The following MBNL2 variants were observed in gnomAD, a reference collection of about 807,000 sequenced individuals.
MBNL2 encodes the protein muscleblind like splicing regulator 2.
MBNL2 carries 17 observed loss-of-function variants against 41.9 expected under a neutral mutation model. The ratio of observed to expected loss-of-function variants is 0.41; its 90% CI spans 0.28 to 0.61. The LOEUF is 0.61. MBNL2 is among the 20% of genes least tolerant of loss of function. The pLI, the probability that MBNL2 is intolerant of heterozygous loss-of-function variation, is 0.35. For missense variants in MBNL2, 336 were observed against 505.6 expected (o/e 0.66, Z 3.22); for synonymous variants, 195 against 182.9 (o/e 1.07, Z -0.53).
intron 8 of MBNL2, among the ~76,000 whole-genome samples, chr13:97,382,268 G>C (rs2065522561): frequency 6.6e-6 from 1 of 152,160 alleles, no homozygotes; most frequent in Non-Finnish European, 1.5e-5. Flanking sequence ...CTCTGGGCTG[G>C]CCTACAACCA....
At chr13:97,368,617 A>G (rs1482195395) in intron 8 of MBNL2, among the ~76,000 whole-genome samples, 3 of 151,386 alleles carry the variant, frequency 2.0e-5, no homozygotes, top group South Asian at 4.2e-4. Flanking sequence ...TGTGTCATAT[A>G]TATTGTTCAA....
At chr13:97,293,914 C>T (rs758484124) in intron 2 of MBNL2, among the ~76,000 whole-genome samples, 63 of 152,188 alleles carry the variant, frequency 4.1e-4, no homozygotes, top group Non-Finnish European at 7.6e-4. Flanking sequence ...GAGCAGTATA[C>T]ACGGAACCCA....
At chr13:97,190,210 AC>A in the MBNL2 span, among the ~76,000 whole-genome samples, 1 of 152,230 alleles carries the variant, frequency 6.6e-6, no homozygotes, top group Non-Finnish European at 1.5e-5. Context: ...GAGGATGCTG[AC>A]GGTGATCTGA....
the MBNL2 span, among the ~76,000 whole-genome samples, chr13:97,160,674 T>G: frequency 6.6e-6 from 1 of 152,160 alleles, no homozygotes; most frequent in African/African-American, 2.4e-5. Context: ...CTAATCCATA[T>G]TTATTGGCAT....
rs571198916 is a variant in MBNL2 at position 97,346,743 on chromosome 13, G to T, written c.541-61G>T. The T allele has an allele frequency of 9.5e-5, 142 of 1,495,464 alleles. 1 individual carries two copies. In the African/African-American group the frequency reaches 1.7e-3, roughly 18 times the overall value. 92.6% of individuals were successfully genotyped at this position (1,495,464 alleles called of 1,614,324 possible). On this transcript the variant is annotated intron_variant, in intron 4 of 8. Transcript: ENST00000679496. This position sits in a 1 kb window ranked among gnomAD's most constrained non-coding sequence, Gnocchi z 4.2. ...CTCCGCTCCTCCCGCGGTGGCCGGG[G>T]CCGCAGGGGCGCCTGGGCTCAGGCT...
intron 1 of MBNL2, among the ~76,000 whole-genome samples, chr13:97,256,548 T>C (rs545103958): frequency 1.3e-5 from 2 of 152,288 alleles, no homozygotes; most frequent in South Asian, 4.1e-4. Context: ...CTCCGCCAAA[T>C]GCTGCAGGTT....
chr13:97,345,120 A>G (rs753839417), intron 4 of MBNL2, among the ~76,000 whole-genome samples: 1 of 152,218 alleles, frequency 6.6e-6, no homozygotes, highest in Non-Finnish European at 1.5e-5. Context: ...GATTTATGCT[A>G]TCTACCTTCA....
At chr13:97,174,802 A>G in the MBNL2 span, among the ~76,000 whole-genome samples, 2 of 152,230 alleles carry the variant, frequency 1.3e-5, no homozygotes, top group South Asian at 2.1e-4. Context: ...TAGACTCTGG[A>G]ATACTAAGGC....
the MBNL2 span, among the ~76,000 whole-genome samples, chr13:97,188,097 C>T: frequency 6.6e-6 from 1 of 152,214 alleles, no homozygotes; most frequent in Admixed American, 6.5e-5. Flanking sequence ...CTAGATTCAC[C>T]CGCAGAGTAA....
chr13:97,162,354 C>T, the MBNL2 span, among the ~76,000 whole-genome samples: 2 of 152,132 alleles, frequency 1.3e-5, no homozygotes, highest in East Asian at 1.9e-4. Flanking sequence ...AGGAAAGAGA[C>T]GGCTTACTGG....
the MBNL2 span, among the ~76,000 whole-genome samples, chr13:97,185,150 CAAA>C: frequency 6.6e-5 from 10 of 152,048 alleles, no homozygotes; most frequent in Admixed American, 5.9e-4. Flanking sequence ...ATATCCAAAA[CAAA>C]GAATAAAATT....
At chr13:97,386,961 G>A (rs1031063464) in intron 8 of MBNL2, among the ~76,000 whole-genome samples, 1 of 151,938 alleles carries the variant, frequency 6.6e-6, no homozygotes, top group Admixed American at 6.6e-5. Flanking sequence ...GAGATCAAGT[G>A]TATCTTTGCC....
chr13:97,155,138 G>C, the MBNL2 span, among the ~76,000 whole-genome samples: 8 of 152,026 alleles, frequency 5.3e-5, no homozygotes, highest in African/African-American at 1.4e-4. Context: ...TTAGATTTCA[G>C]GGAACCATGA....
At chr13:97,357,302 T>A (rs762292521) in intron 6 of MBNL2, among the ~76,000 whole-genome samples, 180 bp from the exon 7 acceptor site, 2 of 152,222 alleles carry the variant, frequency 1.3e-5, no homozygotes, top group Non-Finnish European at 2.9e-5. Context: ...AATCATGCTT[T>A]CGCTCTCAAT....
chr13:97,335,469 G>A (rs1415869193), intron 3 of MBNL2, among the ~76,000 whole-genome samples: 1 of 152,140 alleles, frequency 6.6e-6, no homozygotes, highest in Non-Finnish European at 1.5e-5. Flanking sequence ...CTGTGAGATG[G>A]GGTGTGGAGG....
the MBNL2 span, among the ~76,000 whole-genome samples, chr13:97,152,015 T>A: frequency 6.6e-6 from 1 of 152,132 alleles, no homozygotes; most frequent in Admixed American, 6.5e-5. Context: ...TTTTAGGAAA[T>A]CTGCCAACCT....
rs1452642683 is a variant in MBNL2 at position 97,287,932 on chromosome 13, TTGTTTTG to T, written c.174+11525_174+11531del. Among the ~76,000 whole-genome samples the T allele has an allele frequency of 7.0e-5, 6 of 85,806 alleles. No homozygotes were observed. In the South Asian group the frequency reaches 1.2e-3, roughly 18 times the overall value. The allele number at this position is 85,806 out of a possible 152,430, so 56.3% of individuals were successfully genotyped here. A position where few individuals can be genotyped will look rare whatever the true frequency, so the allele number is the denominator to read the frequency against. On this transcript the variant is annotated intron_variant, in intron 2 of 8. Coordinates refer to ENST00000679496, the MANE Select transcript of MBNL2 (RefSeq NM_001382683.1). ...GCTAATTTTCTGTTTTTTTTTTGTT[TTGTTTTG>T]TTTTTTTTTTTTTTAGTAGAGATGG...
Position 97,236,377 on chromosome 13 carries a change from G to T in MBNL2, c.-605+13846G>T, listed in dbSNP as rs368840502. ...TCCTAGGGGCATGCTTTCCCTTGGG[G>T]TTGGGGGTGGTATCTGAAAGGTTGG... is the stretch of plus-strand genomic sequence containing the variant. On this transcript the variant is annotated intron_variant, in intron 1 of 8. Transcript: ENST00000679496. 1.2e-4 allele frequency among the ~76,000 whole-genome samples: 19 copies of T among 152,200 alleles called. No homozygotes were observed. In the East Asian group the frequency reaches 3.1e-3, roughly 25 times the overall value.
At chr13:97,240,868 A>G (rs1348725322) in intron 1 of MBNL2, among the ~76,000 whole-genome samples, 1 of 152,184 alleles carries the variant, frequency 6.6e-6, no homozygotes, top group Non-Finnish European at 1.5e-5. Flanking sequence ...CCATGCCTTG[A>G]GCTGTTTTGG....
Sources: gnomAD v4.1 joint callset for allele counts (sites outside exome capture counted in the v4.1 genomes callset) on GRCh38, gnomAD v4.1.1 for gene constraint, Gnocchi (gnomAD v3.1) non-coding constraint, MANE v1.5 for transcripts, NCBI Gene and HGNC (gene_info 2026-07-23, HGNC 2026-07-21) for gene names.